Variants in SHOC2 observed in about 807,000 individuals in gnomAD.
The protein encoded by SHOC2 is SHOC2 leucine rich repeat scaffold protein.
A neutral mutation model predicts 50.2 loss-of-function variants in SHOC2; 4 were observed. That is an observed-to-expected ratio of 0.08 (90% confidence interval 0.04 to 0.18). SHOC2 has a LOEUF of 0.18. Ranked by LOEUF, SHOC2 falls within the 10% of genes least tolerant of loss-of-function variation. The pLI is 1.00. For synonymous variants in SHOC2, 218 were observed against 244.5 expected, an observed-to-expected ratio of 0.89 and a Z score of 1.01; for missense variants, 388 against 669.6, an observed-to-expected ratio of 0.58 and a Z score of 4.64.
chr10:110,929,693 C>A (rs1175371346), intron 1 of SHOC2, among the ~76,000 whole-genome samples: 1 of 152,180 alleles, frequency 6.6e-6, no homozygotes, highest in Non-Finnish European at 1.5e-5. Flanking sequence ...TCTCCTCTTA[C>A]AAGGGCATTA....
Position 111,011,726 on chromosome 10 carries a change from C to T in SHOC2, c.1657C>T (p.Leu553Phe). ...AATCATGAGTATTGAGAACTGTCCA[C>T]TCAGTCACCTTCCACCTCAGATTGT... ...LSIMSIENCP[L>F]SHLPPQIVAG... The change falls in exon 9 of 9, where the codon CTC (leucine) becomes TTC (phenylalanine). Residue 553 changes from leucine to phenylalanine, a missense_variant. Around this residue, in one of 5 missense-constraint regions of SHOC2, gnomAD observed 130 missense variants for 208.6 expected, o/e 0.62. Coordinates refer to ENST00000369452, the MANE Select transcript of SHOC2 (RefSeq NM_007373.4). 6.2e-7 allele frequency: 1 copy of T among 1,614,004 alleles called. No individual in the cohort carries two copies. Among genetic ancestry groups the T allele is most frequent in the Non-Finnish European group, 8.5e-7 (1 of 1,179,928 alleles).
chr10:110,983,666 A>G (rs1372890164), intron 2 of SHOC2, among the ~76,000 whole-genome samples: 5 of 152,136 alleles, frequency 3.3e-5, no homozygotes, highest in Admixed American at 1.3e-4. Flanking sequence ...GCTGAACAAT[A>G]AGTCCTCATT....
intron 5 of SHOC2, 81 bp from the exon 6 acceptor site, chr10:111,007,450 A>G (rs1399080179): frequency 1.0e-5 from 15 of 1,469,924 alleles, no homozygotes; most frequent in African/African-American, 1.4e-5. Flanking sequence ...TTAATTAAGA[A>G]TTCTCTTTCC....
chr10:110,980,012 T>C lies in SHOC2; in HGVS notation c.704-5616T>C, dbSNP rs779639848. Among the ~76,000 whole-genome samples, 39 of 152,332 alleles carry C rather than the reference T, an allele frequency of 2.6e-4. 1 individual carries two copies. The highest frequency in any genetic ancestry group is 5.9e-4 in the Admixed American group (9 of 15,302). On this transcript the variant is annotated intron_variant, in intron 2 of 8. Coordinates refer to ENST00000369452, the MANE Select transcript of SHOC2 (RefSeq NM_007373.4). ...GAAAGTAAGCATTTAGAATCTTACA[T>C]AACAATTTGACATTGCTGAGACATC...
At chr10:110,942,053 G>C (rs1038162413) in intron 1 of SHOC2, among the ~76,000 whole-genome samples, 2 of 152,102 alleles carry the variant, frequency 1.3e-5, no homozygotes, top group African/African-American at 4.8e-5. Flanking sequence ...TCTCTGCTAA[G>C]ACAAAATTCA....
At chr10:110,966,803 A>G (rs954700976) in intron 2 of SHOC2, among the ~76,000 whole-genome samples, 2 of 152,176 alleles carry the variant, frequency 1.3e-5, no homozygotes, top group Non-Finnish European at 2.9e-5. Context: ...GCTCCTTCCC[A>G]TCATTAGTGA....
At chr10:110,961,747 A>G (rs1847576308) in intron 1 of SHOC2, among the ~76,000 whole-genome samples, 2 of 152,198 alleles carry the variant, frequency 1.3e-5, no homozygotes. Context: ...ATTATGGATT[A>G]TGGGAAGTCC....
intron 3 of SHOC2, chr10:110,989,123 A>T: frequency 8.6e-6 from 4 of 463,388 alleles, no homozygotes; most frequent in South Asian, 1.6e-5. Flanking sequence ...GAATTCTTTC[A>T]TCATGGTAAA....
intron 1 of SHOC2, among the ~76,000 whole-genome samples, chr10:110,951,403 G>A (rs1214227402): frequency 2.1e-4 from 32 of 152,064 alleles, no homozygotes; most frequent in Non-Finnish European, 4.0e-4. Context: ...GTGTTGGTGG[G>A]GATATAGAGA....
At chr10:110,923,428 A>G (rs1053346238) in intron 1 of SHOC2, among the ~76,000 whole-genome samples, 2 of 152,114 alleles carry the variant, frequency 1.3e-5, no homozygotes, top group African/African-American at 4.8e-5. Context: ...CCGGGTCTCA[A>G]CTTTTTAACA....
chr10:110,991,018 CTG>C (rs895279572), intron 3 of SHOC2, among the ~76,000 whole-genome samples: 3 of 152,150 alleles, frequency 2.0e-5, no homozygotes, highest in Non-Finnish European at 4.4e-5. Flanking sequence ...TCCTAAATAT[CTG>C]TGTAACTTTG....
chr10:110,965,435 A>T (rs887282685), intron 2 of SHOC2, among the ~76,000 whole-genome samples: 1 of 152,198 alleles, frequency 6.6e-6, no homozygotes, highest in African/African-American at 2.4e-5. Flanking sequence ...ACATTTTCTC[A>T]TTCTCTGACT....
Position 111,000,379 on chromosome 10 carries a change from T to TA in SHOC2, c.842-30dup, listed in dbSNP as rs762088428. ...ACAGTGAGAGGCTCATCAGATTTTG[T>TA]AAAAAATAAATTTCTTTTTTTGTGT... On this transcript the variant is annotated intron_variant, in intron 3 of 8. Transcript: ENST00000369452. The TA allele has an allele frequency of 3.7e-6, 6 of 1,609,348 alleles. No homozygotes were observed. The East Asian group carries it at 6.7e-5, about 18-fold the overall frequency.
At chr10:110,988,160 GAATA>G (rs1590821837) in intron 3 of SHOC2, among the ~76,000 whole-genome samples, 1 of 152,132 alleles carries the variant, frequency 6.6e-6, no homozygotes, top group East Asian at 1.9e-4. Context: ...TATTTGTTTT[GAATA>G]AATAATAAAT....
chr10:110,957,008 A>G (rs936332932), intron 1 of SHOC2, among the ~76,000 whole-genome samples: 1 of 152,234 alleles, frequency 6.6e-6, no homozygotes, highest in African/African-American at 2.4e-5. Flanking sequence ...AGCTTTGTTC[A>G]GAGATCAAGA....
intron 1 of SHOC2, among the ~76,000 whole-genome samples, chr10:110,920,468 G>A (rs1285786967): frequency 6.6e-6 from 1 of 152,088 alleles, no homozygotes; most frequent in Non-Finnish European, 1.5e-5. Flanking sequence ...CTCCCCCCAT[G>A]CCTAGGTGGA....
intron 3 of SHOC2, among the ~76,000 whole-genome samples, chr10:110,999,762 AAG>A (rs1848335539): frequency 6.9e-6 from 1 of 145,712 alleles, no homozygotes; most frequent in African/African-American, 2.5e-5. Flanking sequence ...AAAAAAAAGA[AAG>A]AAAAGAAAAG....
intron 1 of SHOC2, among the ~76,000 whole-genome samples, chr10:110,939,718 C>A (rs1327156246): frequency 6.6e-6 from 1 of 152,024 alleles, no homozygotes; most frequent in African/African-American, 2.4e-5. Context: ...TATTTTTCTC[C>A]TAGGCAAGAG....
intron 1 of SHOC2, among the ~76,000 whole-genome samples, chr10:110,949,232 A>T (rs118065237): frequency 6.6e-6 from 1 of 152,176 alleles, no homozygotes; most frequent in East Asian, 1.9e-4. Context: ...AAAGGACTCA[A>T]TTAAAATTAC....
Sources: allele counts gnomAD v4.1 joint callset (sites outside exome capture counted in the v4.1 genomes callset), GRCh38; gene constraint gnomAD v4.1.1; regional missense constraint gnomAD v4.1.1; transcripts MANE v1.5; gene names NCBI Gene and HGNC (gene_info 2026-07-23, HGNC 2026-07-21).